The following DUSP4 variants were observed in gnomAD, a reference collection of about 807,000 sequenced individuals.
DUSP4 encodes the protein dual specificity phosphatase 4, also known as dual specificity protein phosphatase 4.
In DUSP4, 12 loss-of-function variants were observed where a neutral mutation model predicts 27.2. That is an observed-to-expected ratio of 0.44 (90% CI 0.28 to 0.71). The LOEUF is 0.71. DUSP4 is among the 30% of genes least tolerant of loss of function. DUSP4 has a pLI of 0.14. For missense variants in DUSP4, 448 were observed against 551.3 expected, an observed-to-expected ratio of 0.81 and a Z score of 1.88; for synonymous variants, 257 against 245.2, an observed-to-expected ratio of 1.05 and a Z score of -0.45.
At chr8:29,342,026 G>C (rs1332937440) in intron 1 of DUSP4, among the ~76,000 whole-genome samples, 3 of 152,230 alleles carry the variant, frequency 2.0e-5, no homozygotes, top group Non-Finnish European at 4.4e-5. Context: ...GTTAGACACA[G>C]GTGGTGTCCT....
chr8:29,339,836 C>T (rs1009819462), intron 2 of DUSP4, among the ~76,000 whole-genome samples: 2 of 139,332 alleles, frequency 1.4e-5, no homozygotes, highest in Admixed American at 7.1e-5. Context: ...AGACCCCCCC[C>T]CCCCATCTCT....
chr8:29,349,703 A>T, intron 1 of DUSP4, 143 bp downstream of exon 1: 2 of 1,199,960 alleles, frequency 1.7e-6, no homozygotes, highest in Non-Finnish European at 2.2e-6. Flanking sequence ...AAACCCCTAC[A>T]CACCAACACA....
intron 1 of DUSP4, 137 bp downstream of exon 1, chr8:29,349,709 A>G (rs926034932): frequency 2.4e-6 from 3 of 1,251,226 alleles, no homozygotes; most frequent in African/African-American, 3.1e-5. Flanking sequence ...CTACACACCA[A>G]CACACACAAA....
intron 1 of DUSP4, chr8:29,345,631 A>C (rs1563863068): frequency 6.7e-7 from 1 of 1,493,192 alleles, no homozygotes; most frequent in Non-Finnish European, 8.9e-7. Context: ...TTGGCTCGGG[A>C]AAGTGGCCAC....
At position 29,345,488 on chromosome 8, in the gene DUSP4, T is replaced by A. The variant is rs2117274431; in HGVS notation, c.433+4358A>T. 4 of 1,599,898 alleles carry A rather than the reference T, an allele frequency of 2.5e-6. No individual in the cohort carries two copies. The African/African-American group carries it at 5.4e-5, about 22-fold the overall frequency. On this transcript the variant is annotated intron_variant, in intron 1 of 3. Transcript: ENST00000240100. ...CAGTCCTCCTGGGCGATCTGCTATG[T>A]TCAGCAAACTGGCTTCCGTTGGAGT...
At chr8:29,345,738 G>T (rs113849614) in intron 1 of DUSP4, 3 of 1,331,278 alleles carry the variant, frequency 2.3e-6, no homozygotes, top group Middle Eastern at 2.7e-4. Flanking sequence ...AAGTTGTGAC[G>T]GTCTAAAGGG....
Position 29,335,325 on chromosome 8 carries a change from C to A in DUSP4, c.*1701G>T, listed in dbSNP as rs537173869. On this transcript the variant is annotated 3_prime_UTR_variant, in exon 4 of 4. Coordinates refer to ENST00000240100, the MANE Select transcript of DUSP4 (RefSeq NM_001394.7). Reference sequence around the variant, plus strand: ...CGTGCCGACGATAGATTCAAAATGGCGCCTGCGTGCCCATGACGCACGTCA... The same window carrying A: ...CGTGCCGACGATAGATTCAAAATGGAGCCTGCGTGCCCATGACGCACGTCA... 6.6e-6 allele frequency: 1 copy of A among 152,016 alleles called. No individual in the cohort carries two copies. Among genetic ancestry groups the A allele is most frequent in the South Asian group, 2.1e-4 (1 of 4,830 alleles). 9.4% of individuals were successfully genotyped at this position (152,016 alleles called of 1,614,324 possible).
intron 1 of DUSP4, chr8:29,348,658 G>A (rs1563864268): frequency 1.0e-6 from 1 of 985,438 alleles, no homozygotes; most frequent in Non-Finnish European, 1.2e-6. Flanking sequence ...TTTTGGAGGG[G>A]AGAGGTTTCC....
Position 29,337,160 on chromosome 8 carries a change from G to A in DUSP4, c.1051C>T (p.Arg351Trp), listed in dbSNP as rs747857516. The change falls in exon 4 of 4, where the codon CGG becomes TGG. Residue 351 changes from arginine (R) to tryptophan (W), a missense_variant. Physicochemically the swap from Arg to Trp is moderately radical, Grantham distance 101. Around this residue, in one of 3 missense-constraint regions of DUSP4, gnomAD observed 100 missense variants for 139.8 expected, o/e 0.72. Transcript: ENST00000240100. The surrounding 1 kb of genome is among the most constrained non-coding windows in gnomAD (Gnocchi z 6.4). ...GTGGCGGGGGTCTTGCCCCGCTCCC[G>A]CAGGGGTCCCGAGGGGCTAGCAGCC... ...AEAASPSGPL[R>W]ERGKTPATPT... 29 of 1,611,266 alleles carry A rather than the reference G, an allele frequency of 1.8e-5. No homozygotes were observed. Among genetic ancestry groups the A allele is most frequent in the African/African-American group, 4.0e-5 (3 of 74,886 alleles).
chr8:29,339,801 C>T (rs1817628708), intron 2 of DUSP4, among the ~76,000 whole-genome samples: 1 of 149,634 alleles, frequency 6.7e-6, no homozygotes, highest in African/African-American at 2.4e-5. Flanking sequence ...GCCAGGAGTT[C>T]AAGACCAGCC....
chr8:29,348,880 A>C (rs1341635716), intron 1 of DUSP4: 7 of 804,498 alleles, frequency 8.7e-6, no homozygotes, highest in Non-Finnish European at 1.1e-5. Context: ...GCGGAGGCGC[A>C]GCGCGGCGGG....
rs1817570098 is a variant in DUSP4, at chr8:29,336,186, T to C, written c.*840A>G. ...CTTCTCAAGATGAGCCTTGGCAACA[T>C]AGTGAGATGCTGTCTTTTTCTTTTC... On this transcript the variant is annotated 3_prime_UTR_variant, in exon 4 of 4. Transcript: ENST00000240100. The C allele has an allele frequency of 6.6e-6, 1 of 151,496 alleles. No individual in the cohort carries two copies. Among genetic ancestry groups the C allele is most frequent in the Non-Finnish European group, 1.5e-5 (1 of 67,892 alleles). The allele number at this position is 151,496 out of a possible 1,614,324, so 9.4% of individuals were successfully genotyped here. A position where few individuals can be genotyped will look rare whatever the true frequency, so the allele number is the denominator to read the frequency against.
In DUSP4 at chr8:29,340,240, C is replaced by A; in HGVS notation, c.437G>T (p.Gly146Val). ...ERTDICLLKG[G>V]YERFSSEYPE... ...GTACTCGGAGGAAAACCTCTCATAG[C>A]CGCCTGTAAAGGAGAAAGAAGCTCA... The change falls in exon 2 of 4, where the codon GGC becomes GTC. Residue 146 changes from glycine to valine, a missense_variant. Physicochemically the swap from Gly to Val is moderately radical, Grantham distance 109 (BLOSUM62 -3). This residue lies in a region of DUSP4 where 345 missense variants were observed against 394.0 expected (regional missense o/e 0.88). Transcript: ENST00000240100. 6.2e-7 allele frequency: 1 copy of A among 1,608,988 alleles called. No homozygotes were observed. Among genetic ancestry groups the A allele is most frequent in the Non-Finnish European group, 8.5e-7 (1 of 1,177,676 alleles).
rs561507541 is a variant in DUSP4 at position 29,348,759 on chromosome 8, G to A, written c.433+1087C>T. 154 of 984,120 alleles carry A rather than the reference G, an allele frequency of 1.6e-4. No individual in the cohort carries two copies. In the East Asian group the frequency reaches 2.6e-3, roughly 17 times the overall value. 61.0% of individuals were successfully genotyped at this position (984,120 alleles called of 1,614,324 possible). A position where few individuals can be genotyped will look rare whatever the true frequency, so the allele number is the denominator to read the frequency against. On this transcript the variant is annotated intron_variant, in intron 1 of 3. Transcript: ENST00000240100. Reference sequence around the variant, plus strand: ...GGAGGGAGGCGGCGAAGGCGCCTGCGGGGGGGAGGAGCGGCTCTTTGATGG... The same window carrying A: ...GGAGGGAGGCGGCGAAGGCGCCTGCAGGGGGGAGGAGCGGCTCTTTGATGG...
chr8:29,337,018 G>T lies in DUSP4; in HGVS notation c.*8C>A, dbSNP rs758108861. On this transcript the variant is annotated 3_prime_UTR_variant, in exon 4 of 4. Transcript: ENST00000240100. The surrounding 1 kb of genome is among the most constrained non-coding windows in gnomAD (Gnocchi z 6.4). ...GCCAGCTCTGGTTCTGGGGCCCCCA[G>T]GGCGGCTCTAACAGCTGGGAGAGGT... is the stretch of plus-strand genomic sequence containing the variant. 5 of 1,584,968 alleles carry T rather than the reference G, an allele frequency of 3.2e-6. No individual in the cohort carries two copies. In the African/African-American group the frequency reaches 5.4e-5, roughly 17 times the overall value.
Position 29,350,522 on chromosome 8 carries a change from G to A in DUSP4, c.-244C>T, listed in dbSNP as rs1587055626. Reference sequence around the variant, plus strand: ...AGCCGGGCGGCGCGCAGAGCGGAGGGGGAGGCGCCGGTGGAGGAGAGTGTG... The same window carrying A: ...AGCCGGGCGGCGCGCAGAGCGGAGGAGGAGGCGCCGGTGGAGGAGAGTGTG... On this transcript the variant is annotated 5_prime_UTR_variant, in exon 1 of 4. Transcript: ENST00000240100. The A allele has an allele frequency of 1.9e-6, 1 of 528,766 alleles. No individual in the cohort carries two copies. The highest frequency in any genetic ancestry group is 3.3e-6 in the Non-Finnish European group (1 of 304,000). The allele number at this position is 528,766 out of a possible 1,614,324, so 32.8% of individuals were successfully genotyped here. A position where few individuals can be genotyped will look rare whatever the true frequency, so the allele number is the denominator to read the frequency against.
chr8:29,338,498 C>T lies in DUSP4; in HGVS notation c.583G>A (p.Gly195Ser). ...AGGAAGGGAAGGATCTCCACAGGAC[C>T]CCCCTGCACAGAAAGGGAAACAAAG... Reference protein sequence around the residue: ...SCGTPLHDQGGPVEILPFLYL... With the variant: ...SCGTPLHDQGSPVEILPFLYL... Residue 195 changes from glycine (G) to serine (S), a missense_variant, in exon 3 of 4, where the codon GGT becomes AGT. By Grantham distance (56) the Gly-to-Ser change is moderately conservative. Transcript: ENST00000240100. 6.2e-7 allele frequency: 1 copy of T among 1,612,630 alleles called. No individual in the cohort carries two copies. Among genetic ancestry groups the T allele is most frequent in the East Asian group, 2.2e-5 (1 of 44,868 alleles).
Position 29,337,506 on chromosome 8 carries a change from G to A in DUSP4, c.800-95C>T. On this transcript the variant is annotated intron_variant, in intron 3 of 3. Transcript: ENST00000240100. The surrounding 1 kb of genome is among the most constrained non-coding windows in gnomAD (Gnocchi z 6.4). ...GCCCCTGGGGTCGGGGGGCTCTGAA[G>A]GAAGGACTAGCCGTGCTAGACCAAG... 6.7e-7 allele frequency: 1 copy of A among 1,487,676 alleles called. No individual in the cohort carries two copies. The highest frequency in any genetic ancestry group is 8.9e-7 in the Non-Finnish European group (1 of 1,122,326). 92.2% of individuals were successfully genotyped at this position (1,487,676 alleles called of 1,614,324 possible). A position where few individuals can be genotyped will look rare whatever the true frequency, so the allele number is the denominator to read the frequency against.
In DUSP4 at chr8:29,345,923, T is replaced by C. The variant is rs45592536; in HGVS notation, c.433+3923A>G. On this transcript the variant is annotated intron_variant, in intron 1 of 3. Coordinates refer to ENST00000240100, the MANE Select transcript of DUSP4 (RefSeq NM_001394.7). ...GGCTGTCATGGGCATTGTATTACAT[T>C]TGTAAGCAGAAACTACCATATTTGC... 0.19 allele frequency: 143,059 copies of C among 744,892 alleles called. 11,755 individuals carry two copies. Among genetic ancestry groups the C allele is most frequent in the African/African-American group, 0.47 (19,412 of 40,996 alleles). The allele number at this position is 744,892 out of a possible 1,614,324, so 46.1% of individuals were successfully genotyped here. A position where few individuals can be genotyped will look rare whatever the true frequency, so the allele number is the denominator to read the frequency against.
Sources: gnomAD v4.1 joint callset for allele counts (sites outside exome capture counted in the v4.1 genomes callset) on GRCh38, gnomAD v4.1.1 for gene constraint, gnomAD v4.1.1 regional missense constraint, Gnocchi (gnomAD v3.1) non-coding constraint, MANE v1.5 for transcripts, NCBI Gene and HGNC (gene_info 2026-07-23, HGNC 2026-07-21) for gene names.